The following THRB variants were observed in gnomAD, a reference collection of about 807,000 sequenced individuals.
THRB encodes thyroid hormone receptor beta.
Under a neutral mutation model 47.8 loss-of-function variants are expected in THRB, and 12 were observed. The ratio of observed to expected loss-of-function variants is 0.25; its 90% confidence interval spans 0.16 to 0.41. The LOEUF (loss-of-function observed/expected upper bound fraction) is 0.41. THRB is among the 10% of genes least tolerant of loss of function. The pLI is 1.00. For synonymous variants in THRB, 218 were observed against 212.2 expected (o/e 1.03, Z -0.24); for missense variants, 348 against 589.2 (o/e 0.59, Z 4.24).
intron 1 of THRB, among the ~76,000 whole-genome samples, chr3:24,475,557 A>T (rs1695329321): frequency 6.6e-6 from 1 of 152,204 alleles, no homozygotes; most frequent in Non-Finnish European, 1.5e-5. Flanking sequence ...ATATAGATAG[A>T]TATAAAATCT....
At chr3:24,241,531 C>G (rs1289420470) in intron 3 of THRB, among the ~76,000 whole-genome samples, 1 of 152,186 alleles carries the variant, frequency 6.6e-6, no homozygotes, top group Non-Finnish European at 1.5e-5. Context: ...TGCCTCTTGT[C>G]ACCCTTCCTT....
At chr3:24,233,556 A>AAAGG (rs751202991) in intron 3 of THRB, among the ~76,000 whole-genome samples, 550 of 32,190 alleles carry the variant, frequency 0.017, 9 homozygotes, top group African/African-American at 0.04. Flanking sequence ...AAAGAAAGAA[A>AAAGG]AAGGAAGAAA....
In THRB at chr3:24,284,590, TTAAAC is replaced by T. The variant is rs896055215; in HGVS notation, c.-43+12631_-43+12635del. Among the ~76,000 whole-genome samples, 1,241 of 151,158 alleles carry T rather than the reference TTAAAC, an allele frequency of 8.2e-3. 23 individuals are homozygous for T. The highest frequency in any genetic ancestry group is 0.029 in the African/African-American group (1,162 of 40,478). On this transcript the variant is annotated intron_variant, in intron 3 of 10. Coordinates refer to ENST00000646209, the MANE Select transcript of THRB (RefSeq NM_001354712.2). ...GCCAAAATTGACAAATGGGATCTAA[TTAAAC>T]TAAAGAGCTTCTGCACAGCAAAAGA...
chr3:24,464,995 A>G (rs1430581756), intron 1 of THRB, among the ~76,000 whole-genome samples: 2 of 152,134 alleles, frequency 1.3e-5, no homozygotes, highest in African/African-American at 4.8e-5. Context: ...GTACTTATTT[A>G]GATTTCCCAT....
chr3:24,267,373 A>G lies in THRB; in HGVS notation c.-43+29853T>C, dbSNP rs377409378. ...TATAATGTTAGAAACTTTTCCTGAA[A>G]AAAAAAAAAGACTTGAATCTGCAGA... On this transcript the variant is annotated intron_variant, in intron 3 of 10. Coordinates refer to ENST00000646209, the MANE Select transcript of THRB (RefSeq NM_001354712.2). Among the ~76,000 whole-genome samples, 15 of 152,014 alleles carry G rather than the reference A, an allele frequency of 9.9e-5. No homozygotes were observed. The East Asian group carries it at 2.9e-3, about 29-fold the overall frequency.
At chr3:24,296,566 C>G (rs1480436415) in intron 3 of THRB, among the ~76,000 whole-genome samples, 2 of 152,232 alleles carry the variant, frequency 1.3e-5, no homozygotes, top group East Asian at 3.8e-4. Flanking sequence ...ACAGAAGAGC[C>G]TGACCAGAAG....
At chr3:24,244,125 C>A (rs997905272) in intron 3 of THRB, among the ~76,000 whole-genome samples, 1 of 151,976 alleles carries the variant, frequency 6.6e-6, no homozygotes. Flanking sequence ...CTCATGGATA[C>A]AAGGGATCCT....
intron 1 of THRB, among the ~76,000 whole-genome samples, chr3:24,411,391 T>G (rs1157957387): frequency 2.0e-5 from 3 of 151,718 alleles, no homozygotes; most frequent in Non-Finnish European, 4.4e-5. Flanking sequence ...AAAAGAGATC[T>G]CTGAGATGTT....
intron 1 of THRB, among the ~76,000 whole-genome samples, chr3:24,450,580 A>G (rs898789517): frequency 2.6e-5 from 4 of 152,228 alleles, no homozygotes; most frequent in Non-Finnish European, 5.9e-5. Context: ...CAACCTTTGT[A>G]CTTACTGTTC....
At chr3:24,320,530 T>A (rs2058416498) in intron 2 of THRB, among the ~76,000 whole-genome samples, 1 of 152,154 alleles carries the variant, frequency 6.6e-6, no homozygotes, top group African/African-American at 2.4e-5. Flanking sequence ...TATGAACATG[T>A]TTCTGAGTTG....
chr3:24,375,332 T>TTATTATATTTAGACATATAATATTAATA lies in THRB; in HGVS notation c.-260-37989_-260-37962dup, dbSNP rs1178581986. Reference sequence around the variant, plus strand: ...TTAATATATTATATTTAGACATATATTATTATATTTAGACATATAATATTA... The same window carrying TTATTATATTTAGACATATAATATTAATA: ...TTAATATATTATATTTAGACATATATTATTATATTTAGACATATAATATTAATATATTATATTTAGACATATAATATTA... On this transcript the variant is annotated intron_variant, in intron 1 of 10. Coordinates refer to ENST00000646209, the MANE Select transcript of THRB (RefSeq NM_001354712.2). 3.1e-3 allele frequency among the ~76,000 whole-genome samples: 449 copies of TTATTATATTTAGACATATAATATTAATA among 144,468 alleles called. 4 individuals carry two copies. The highest frequency in any genetic ancestry group is 0.01 in the African/African-American group (408 of 39,156). 94.8% of individuals were successfully genotyped at this position (144,468 alleles called of 152,430 possible).
At chr3:24,208,981 CAA>C (rs2045712758) in intron 4 of THRB, among the ~76,000 whole-genome samples, 1 of 152,112 alleles carries the variant, frequency 6.6e-6, no homozygotes, top group African/African-American at 2.4e-5. Context: ...ACAAAGAACT[CAA>C]ACTTACAAGA....
chr3:24,260,876 T>C (rs907307552), intron 3 of THRB, among the ~76,000 whole-genome samples: 17 of 152,340 alleles, frequency 1.1e-4, no homozygotes, highest in African/African-American at 3.8e-4. Flanking sequence ...ACGTATTCTA[T>C]TACCACAGAT....
intron 3 of THRB, among the ~76,000 whole-genome samples, chr3:24,276,730 A>T (rs1007924531): frequency 2.0e-5 from 3 of 152,248 alleles, no homozygotes; most frequent in Non-Finnish European, 4.4e-5. Context: ...CACCAATGCT[A>T]TAACAGACGT....
chr3:24,480,100 C>T (rs1577897460), intron 1 of THRB, among the ~76,000 whole-genome samples: 1 of 152,244 alleles, frequency 6.6e-6, no homozygotes, highest in African/African-American at 2.4e-5. Context: ...TTACTGGCTG[C>T]TGTCCCTTCC....
intron 3 of THRB, among the ~76,000 whole-genome samples, chr3:24,296,133 G>C (rs1441843627): frequency 1.3e-5 from 2 of 152,060 alleles, no homozygotes; most frequent in Non-Finnish European, 2.9e-5. Context: ...TAGAATTAAA[G>C]GTCAGATATG....
chr3:24,290,944 C>T (rs1333280048), intron 3 of THRB, among the ~76,000 whole-genome samples: 5 of 152,144 alleles, frequency 3.3e-5, no homozygotes, highest in East Asian at 1.9e-4. Context: ...CATGAATTTC[C>T]GTACCAAAGA....
intron 6 of THRB, among the ~76,000 whole-genome samples, chr3:24,148,610 T>G (rs566434402): frequency 1.4e-4 from 22 of 152,342 alleles, no homozygotes; most frequent in Admixed American, 1.2e-3. Flanking sequence ...AAAGGGGTCC[T>G]CTAACTTTGC....
chr3:24,146,556 G>T, intron 7 of THRB, 119 bp downstream of exon 7: 5 of 1,076,376 alleles, frequency 4.6e-6, no homozygotes, highest in Non-Finnish European at 7.1e-6. Flanking sequence ...CGAAAGTAAG[G>T]TATTCCCTTC....
Sources: allele counts gnomAD v4.1 joint callset (sites outside exome capture counted in the v4.1 genomes callset), GRCh38; gene constraint gnomAD v4.1.1; transcripts MANE v1.5; gene names NCBI Gene and HGNC (gene_info 2026-07-23, HGNC 2026-07-21).